The following EPHB1 variants were observed in gnomAD, a reference collection of about 807,000 sequenced individuals.
The protein encoded by EPHB1 is ephrin type-B receptor 1.
Under a neutral mutation model 94.4 loss-of-function variants are expected in EPHB1, and 30 were observed. The observed-to-expected ratio is 0.32, with a 90% confidence interval of 0.24 to 0.43. The LOEUF (loss-of-function observed/expected upper bound fraction) is 0.43, where lower values mean the gene tolerates loss of function less well. EPHB1 is among the 20% of genes least tolerant of loss of function. The pLI is 1.00. For synonymous variants in EPHB1, 522 were observed against 489.1 expected, an observed-to-expected ratio of 1.07 and a Z score of -0.89; for missense variants, 1,055 against 1,308.3, an observed-to-expected ratio of 0.81 and a Z score of 2.99.
rs551783975 is a variant in EPHB1 at position 134,904,884 on chromosome 3, A to C, written c.59-20932A>C. On this transcript the variant is annotated intron_variant, in intron 1 of 15. Transcript: ENST00000398015. ...CAAAATGTTCTTGTTTGGGTCTGCT[A>C]TGCCTAGCTCTTTTACTTCTCTGCT... Among the ~76,000 whole-genome samples, 4 of 152,244 alleles carry C rather than the reference A, an allele frequency of 2.6e-5. No homozygotes were observed. In the East Asian group the frequency reaches 5.8e-4, roughly 22 times the overall value.
At chr3:134,965,340 A>G (rs1933694301) in intron 3 of EPHB1, among the ~76,000 whole-genome samples, 1 of 152,164 alleles carries the variant, frequency 6.6e-6, no homozygotes, top group Admixed American at 6.5e-5. Flanking sequence ...GCAGGATGAC[A>G]TGTTCCTTCC....
intron 2 of EPHB1, among the ~76,000 whole-genome samples, chr3:134,928,033 C>G (rs922706752): frequency 6.6e-6 from 1 of 152,204 alleles, no homozygotes; most frequent in Non-Finnish European, 1.5e-5. Flanking sequence ...CCAGTGACTC[C>G]CAAGTTAGTA....
intron 3 of EPHB1, among the ~76,000 whole-genome samples, chr3:135,084,855 G>A (rs536998125): frequency 2.0e-4 from 30 of 152,320 alleles, no homozygotes; most frequent in Non-Finnish European, 2.5e-4. Context: ...ATAAGCAGAC[G>A]TAGGAGCTGT....
At position 134,848,822 on chromosome 3, in the gene EPHB1, A is replaced by G. The variant is rs373805115; in HGVS notation, c.58+53133A>G. ...TGACTTGCAGCCCACTAAATCTTGT[A>G]TGCTCTTTATTGAGAAAGCAAAAGG... On this transcript the variant is annotated intron_variant, in intron 1 of 15. Transcript: ENST00000398015. Among the ~76,000 whole-genome samples the G allele has an allele frequency of 2.8e-4, 42 of 152,342 alleles. No homozygotes were observed. The South Asian group carries it at 7.7e-3, about 28-fold the overall frequency.
At chr3:135,233,529 TC>T (rs1409101193) in intron 12 of EPHB1, among the ~76,000 whole-genome samples, 3 of 152,174 alleles carry the variant, frequency 2.0e-5, no homozygotes, top group African/African-American at 7.2e-5. Flanking sequence ...CTGCAGCTCT[TC>T]CAGGTGTACA....
At chr3:134,836,215 C>A (rs191830636) in intron 1 of EPHB1, among the ~76,000 whole-genome samples, 1 of 152,298 alleles carries the variant, frequency 6.6e-6, no homozygotes, top group African/African-American at 2.4e-5. Context: ...TTCCAGTATT[C>A]TCAGACTGAT....
Position 135,132,965 on chromosome 3 carries a change from G to T in EPHB1, c.1213G>T (p.Asp405Tyr). Residue 405 changes from aspartate to tyrosine, a missense_variant, in exon 5 of 16, where the codon GAC becomes TAC. Physicochemically the swap from Asp to Tyr is radical, Grantham distance 160. Coordinates refer to ENST00000398015, the MANE Select transcript of EPHB1 (RefSeq NM_004441.5). ...SLWAHTPYTFDIQAINGVSSK... is the reference protein window; with the variant it reads ...SLWAHTPYTFYIQAINGVSSK... ...GTGGGCCCACACCCCCTACACCTTT[G>T]ACATCCAGGCCATCAATGGAGTCTC... 6.2e-7 allele frequency: 1 copy of T among 1,613,880 alleles called. No homozygotes were observed. Among genetic ancestry groups the T allele is most frequent in the Non-Finnish European group, 8.5e-7 (1 of 1,179,788 alleles).
intron 3 of EPHB1, among the ~76,000 whole-genome samples, chr3:134,959,564 C>T (rs893036589): frequency 3.9e-5 from 6 of 152,180 alleles, no homozygotes; most frequent in South Asian, 2.1e-4. Context: ...TGTGGTTACA[C>T]ATTTCTGCAC....
chr3:134,981,120 C>A (rs892624698), intron 3 of EPHB1, among the ~76,000 whole-genome samples: 1 of 152,170 alleles, frequency 6.6e-6, no homozygotes, highest in Non-Finnish European at 1.5e-5. Context: ...TCACTATCTG[C>A]TTTATTCTTG....
intron 1 of EPHB1, among the ~76,000 whole-genome samples, chr3:134,837,913 A>G (rs1396754454): frequency 6.6e-6 from 1 of 152,220 alleles, no homozygotes; most frequent in Non-Finnish European, 1.5e-5. Context: ...CTCTGACCCC[A>G]GAGCAGGCAC....
chr3:135,073,412 T>C (rs887576872), intron 3 of EPHB1, among the ~76,000 whole-genome samples: 10 of 152,326 alleles, frequency 6.6e-5, no homozygotes, highest in Admixed American at 5.9e-4. Context: ...AAACTCACTT[T>C]TACCCATCAT....
chr3:134,847,087 T>C, intron 1 of EPHB1, among the ~76,000 whole-genome samples: 1 of 152,028 alleles, frequency 6.6e-6, no homozygotes, highest in Admixed American at 6.5e-5. Context: ...TATGCGCCAT[T>C]TCACGCTGAT....
chr3:135,068,795 C>A (rs939042971), intron 3 of EPHB1, among the ~76,000 whole-genome samples: 3 of 151,484 alleles, frequency 2.0e-5, no homozygotes, highest in Non-Finnish European at 4.4e-5. Context: ...ACTACAGGTG[C>A]CTGCCACCAC....
At chr3:134,895,670 C>T (rs902363002) in intron 1 of EPHB1, among the ~76,000 whole-genome samples, 1 of 152,154 alleles carries the variant, frequency 6.6e-6, no homozygotes, top group Non-Finnish European at 1.5e-5. Context: ...AAAGTGAATT[C>T]TGTATTTATA....
At chr3:134,968,168 G>T (rs191197410) in intron 3 of EPHB1, among the ~76,000 whole-genome samples, 130 of 152,356 alleles carry the variant, frequency 8.5e-4, no homozygotes, top group African/African-American at 2.9e-3. Context: ...TATGTTAAAT[G>T]ATGACATAAC....
chr3:135,167,927 C>G (rs1941695583), intron 9 of EPHB1, among the ~76,000 whole-genome samples: 1 of 152,160 alleles, frequency 6.6e-6, no homozygotes, highest in African/African-American at 2.4e-5. Flanking sequence ...TCCCAGGTAC[C>G]TACACACCAA....
rs372758942 is a variant in EPHB1, at chr3:134,795,665, G to A, written c.34G>A (p.Ala12Thr). The A allele has an allele frequency of 8.1e-6, 13 of 1,609,566 alleles. No homozygotes were observed. The African/African-American group carries it at 1.6e-4, about 20-fold the overall frequency. The change falls in exon 1 of 16, where the codon GCA becomes ACA. Residue 12 changes from alanine to threonine, a missense_variant. By Grantham distance (58) the Ala-to-Thr change is moderately conservative. Transcript: ENST00000398015. ...GGATTATCTACTACTGCTCCTCCTG[G>A]CATCCGCAGTGGCTGCGATGGAAGG... ...ALDYLLLLLL[A>T]SAVAAMEETL...
chr3:135,003,608 G>A (rs1406554933), intron 3 of EPHB1, among the ~76,000 whole-genome samples: 2 of 151,976 alleles, frequency 1.3e-5, no homozygotes, highest in Non-Finnish European at 2.9e-5. Context: ...CTCTTTGTAG[G>A]TCACTCAGGA....
At chr3:134,844,881 C>T (rs2036842160) in intron 1 of EPHB1, among the ~76,000 whole-genome samples, 1 of 152,168 alleles carries the variant, frequency 6.6e-6, no homozygotes, top group South Asian at 2.1e-4. Context: ...TACCAGTTTG[C>T]ATGTGTTTTG....
Sources: gnomAD v4.1 joint callset for allele counts (sites outside exome capture counted in the v4.1 genomes callset) on GRCh38, gnomAD v4.1.1 for gene constraint, MANE v1.5 for transcripts, NCBI Gene and HGNC (gene_info 2026-07-23, HGNC 2026-07-21) for gene names.